Variants in PCDHA6 observed in about 807,000 individuals in gnomAD.
PCDHA6 encodes protocadherin alpha 6.
In PCDHA6, 55 loss-of-function variants were observed where a neutral mutation model predicts 60.3. That is an observed-to-expected ratio of 0.91 (90% CI 0.73 to 1.14). The LOEUF (loss-of-function observed/expected upper bound fraction) is 1.14. Among genes scored for constraint, PCDHA6 ranks in the 50% most tolerant of loss-of-function variants. The probability of loss-of-function intolerance (pLI) is 0.00; values close to 1 mark genes in which losing one functional copy is unlikely to be tolerated. For synonymous variants in PCDHA6, 652 were observed against 557.9 expected (o/e 1.17, Z -2.38); for missense variants, 1,327 against 1,256.5 (o/e 1.06, Z -0.85).
intron 1 of PCDHA6, chr5:140,870,676 G>C (rs561705674): frequency 1.9e-6 from 3 of 1,612,584 alleles, no homozygotes; most frequent in Non-Finnish European, 2.5e-6. Flanking sequence ...GTTGGACCAC[G>C]AGGAGCTGGA....
chr5:140,950,028 A>G (rs1288516742), intron 1 of PCDHA6, among the ~76,000 whole-genome samples: 6 of 151,954 alleles, frequency 3.9e-5, no homozygotes, highest in Non-Finnish European at 8.8e-5. Flanking sequence ...TAAAATATAG[A>G]AAAGTTACAA....
chr5:140,965,260 G>A (rs1188138728), intron 1 of PCDHA6, among the ~76,000 whole-genome samples: 1 of 152,202 alleles, frequency 6.6e-6, no homozygotes, highest in Non-Finnish European at 1.5e-5. Context: ...GAACTGAGCA[G>A]CAGAGGCAAT....
intron 1 of PCDHA6, among the ~76,000 whole-genome samples, chr5:140,961,978 G>T (rs1336878095): frequency 6.6e-6 from 1 of 151,828 alleles, no homozygotes; most frequent in Non-Finnish European, 1.5e-5. Context: ...CCGCCTCCTG[G>T]GTTCACGCCA....
At chr5:140,855,964 T>C in intron 1 of PCDHA6, 3 of 1,408,442 alleles carry the variant, frequency 2.1e-6, no homozygotes, top group Admixed American at 2.3e-5. Context: ...AAAAAATAGA[T>C]ATAAGAAATA....
intron 1 of PCDHA6, chr5:140,966,838 G>T: frequency 6.4e-7 from 1 of 1,566,772 alleles, no homozygotes. Flanking sequence ...CCTGGCTGCT[G>T]CTACTGCCTC....
At chr5:140,943,332 A>G (rs2093478817) in intron 1 of PCDHA6, among the ~76,000 whole-genome samples, 1 of 151,830 alleles carries the variant, frequency 6.6e-6, no homozygotes, top group Non-Finnish European at 1.5e-5. Flanking sequence ...TGTAGTATCC[A>G]TTGGACAGGA....
Position 140,850,277 on chromosome 5 carries a change from G to T in PCDHA6, c.2394+19792G>T, listed in dbSNP as rs1554144125. On this transcript the variant is annotated intron_variant, in intron 1 of 3. Coordinates refer to ENST00000529310, the MANE Select transcript of PCDHA6 (RefSeq NM_018909.4). ...GCGCCGGCGTAGTGGTGGGGAAGGT[G>T]CGCGCAGTGGACGCCGACTCGGGCT... is the stretch of plus-strand genomic sequence containing the variant. 2.5e-6 allele frequency: 4 copies of T among 1,595,522 alleles called. No homozygotes were observed. In the East Asian group the frequency reaches 8.9e-5, roughly 36 times the overall value.
At chr5:140,964,425 A>C (rs1440321322) in intron 1 of PCDHA6, among the ~76,000 whole-genome samples, 1 of 152,178 alleles carries the variant, frequency 6.6e-6, no homozygotes, top group East Asian at 1.9e-4. Context: ...TCCATTAAAA[A>C]ATTACCAAGC....
At chr5:140,927,596 G>C in intron 1 of PCDHA6, 3 of 1,614,162 alleles carry the variant, frequency 1.9e-6, no homozygotes, top group Non-Finnish European at 2.5e-6. Flanking sequence ...GTATTTGAGC[G>C]CTCCGTATAC....
chr5:140,940,502 G>A (rs182744023), intron 1 of PCDHA6, among the ~76,000 whole-genome samples: 2 of 151,906 alleles, frequency 1.3e-5, no homozygotes, highest in Admixed American at 6.5e-5. Context: ...TTGCTCCGTC[G>A]CTCAGGCGTG....
At chr5:140,885,045 G>T (rs528565062) in intron 1 of PCDHA6, among the ~76,000 whole-genome samples, 3 of 152,238 alleles carry the variant, frequency 2.0e-5, no homozygotes, top group Admixed American at 1.3e-4. Context: ...TTAGTTTAAT[G>T]TATACATATA....
chr5:140,860,328 C>G (rs971322066), intron 1 of PCDHA6: 8 of 151,880 alleles, frequency 5.3e-5, no homozygotes, highest in Non-Finnish European at 1.0e-4. Context: ...CTGCAGTGAC[C>G]CATGATTGTG....
intron 1 of PCDHA6, chr5:140,884,124 G>T: frequency 6.2e-7 from 1 of 1,613,344 alleles, no homozygotes; most frequent in South Asian, 1.1e-5. Flanking sequence ...GTCGGCGCGC[G>T]CATCCCGTTC....
intron 1 of PCDHA6, chr5:140,851,486 C>A (rs2042075619): frequency 1.1e-6 from 1 of 886,576 alleles, no homozygotes; most frequent in Middle Eastern, 5.8e-4. Context: ...ATAAACACAG[C>A]CTTCATTTCA....
At chr5:140,924,105 C>A (rs140580566) in intron 1 of PCDHA6, among the ~76,000 whole-genome samples, 5 of 152,144 alleles carry the variant, frequency 3.3e-5, no homozygotes, top group Admixed American at 2.6e-4. Flanking sequence ...ATTTTCATTC[C>A]AAAGCAGTTA....
chr5:140,845,064 A>G (rs1225142446), intron 1 of PCDHA6, among the ~76,000 whole-genome samples: 1 of 149,468 alleles, frequency 6.7e-6, no homozygotes, highest in Non-Finnish European at 1.5e-5. Flanking sequence ...GGTAACCTCA[A>G]AGCAGCATTG....
intron 1 of PCDHA6, among the ~76,000 whole-genome samples, chr5:140,878,873 T>A (rs1267188729): frequency 1.3e-5 from 2 of 152,248 alleles, no homozygotes; most frequent in African/African-American, 2.4e-5. Flanking sequence ...CATTTCAGCC[T>A]TTCAAGTAGC....
chr5:140,930,841 A>T (rs2087150671), intron 1 of PCDHA6, among the ~76,000 whole-genome samples: 1 of 152,230 alleles, frequency 6.6e-6, no homozygotes, highest in South Asian at 2.1e-4. Context: ...ATGAATAAAT[A>T]TGTGCATATA....
intron 1 of PCDHA6, among the ~76,000 whole-genome samples, chr5:140,933,436 A>G (rs1554209364): frequency 6.6e-6 from 1 of 152,102 alleles, no homozygotes; most frequent in Non-Finnish European, 1.5e-5. Flanking sequence ...GGGGCACTCT[A>G]ATGACATACC....
Sources: allele counts gnomAD v4.1 joint callset (sites outside exome capture counted in the v4.1 genomes callset), GRCh38; gene constraint gnomAD v4.1.1; transcripts MANE v1.5; gene names NCBI Gene and HGNC (gene_info 2026-07-23, HGNC 2026-07-21).